ZNF385D: variants seen among roughly 807,000 people sequenced by gnomAD.
ZNF385D encodes zinc finger protein 385D, also known as zinc finger protein 659.
ZNF385D carries 15 observed loss-of-function variants against 35.8 expected under a neutral mutation model. That is an observed-to-expected ratio of 0.42 (90% CI 0.28 to 0.64). The LOEUF (loss-of-function observed/expected upper bound fraction) is 0.64, where lower values mean the gene tolerates loss of function less well. ZNF385D is among the 30% of genes least tolerant of loss of function. The probability of loss-of-function intolerance (pLI) is 0.23; values close to 1 mark genes in which losing one functional copy is unlikely to be tolerated. For synonymous variants in ZNF385D, 212 were observed against 186.8 expected (o/e 1.13, Z -1.10); for missense variants, 474 against 494.6 (o/e 0.96, Z 0.39).
intron 3 of ZNF385D, among the ~76,000 whole-genome samples, chr3:22,158,288 A>G (rs1047073263): frequency 3.9e-5 from 6 of 152,080 alleles, no homozygotes; most frequent in African/African-American, 1.2e-4. Flanking sequence ...ACCACCTTTA[A>G]GTCTACTTCA....
intron 3 of ZNF385D, among the ~76,000 whole-genome samples, chr3:22,012,777 C>T (rs148398384): frequency 1.3e-3 from 199 of 152,210 alleles, no homozygotes; most frequent in African/African-American, 4.6e-3. Flanking sequence ...CCATAAGCTG[C>T]TTAGCACATA....
In ZNF385D at chr3:22,310,829, T is replaced by C. The variant is rs569296176; in HGVS notation, c.106+61621A>G. Among the ~76,000 whole-genome samples, 13 of 152,006 alleles carry C rather than the reference T, an allele frequency of 8.6e-5. No individual in the cohort carries two copies. The East Asian group carries it at 2.3e-3, about 27-fold the overall frequency. ...ATTTTTCTATTAAAATATAATTTTA[T>C]CCACTCATTTTTAATTAACTTTTTT... On this transcript the variant is annotated intron_variant, in intron 2 of 5. Coordinates refer to the ZNF385D transcript ENST00000494108.
intron 1 of ZNF385D, among the ~76,000 whole-genome samples, chr3:21,718,141 G>T (rs753686841): frequency 5.1e-4 from 78 of 152,306 alleles, no homozygotes; most frequent in Non-Finnish European, 8.5e-4. Flanking sequence ...CTTGGCATAT[G>T]TCTCCCACAA....
At chr3:22,146,890 G>T (rs4858388) in intron 3 of ZNF385D, among the ~76,000 whole-genome samples, 98,174 of 151,974 alleles carry the variant, frequency 0.65, 32,615 homozygotes, top group African/African-American at 0.81. Context: ...AACATATTTG[G>T]GAAGTGTATT....
chr3:21,435,412 C>A (rs1385268096), intron 5 of ZNF385D, among the ~76,000 whole-genome samples: 1 of 151,964 alleles, frequency 6.6e-6, no homozygotes. Context: ...CACATGCCAC[C>A]ATGCCCAGCT....
Position 21,548,511 on chromosome 3 carries a change from A to T in ZNF385D, c.276+16063T>A, listed in dbSNP as rs2062457925. On this transcript the variant is annotated intron_variant, in intron 3 of 7. Coordinates refer to ENST00000281523, the MANE Select transcript of ZNF385D (RefSeq NM_024697.3). Reference sequence around the variant, plus strand: ...ATATTCTGTGCTTCCAGTTTTACCCATGCTTAATCCTCTTCTCAAACTCTT... The same window carrying T: ...ATATTCTGTGCTTCCAGTTTTACCCTTGCTTAATCCTCTTCTCAAACTCTT... Among the ~76,000 whole-genome samples the T allele has an allele frequency of 2.0e-5, 3 of 152,284 alleles. No homozygotes were observed. In the South Asian group the frequency reaches 6.2e-4, roughly 32 times the overall value.
chr3:22,073,899 T>C (rs1052850433), intron 3 of ZNF385D, among the ~76,000 whole-genome samples: 1 of 151,958 alleles, frequency 6.6e-6, no homozygotes, highest in East Asian at 1.9e-4. Context: ...CATTCATGAA[T>C]AGTTTCGCAT....
intron 1 of ZNF385D, among the ~76,000 whole-genome samples, chr3:21,670,648 G>C (rs112394370): frequency 0.13 from 112 of 864 alleles, 17 homozygotes; most frequent in Middle Eastern, 1. Flanking sequence ...AAATCCTAAG[G>C]CGCCCCCCCC....
intron 2 of ZNF385D, among the ~76,000 whole-genome samples, chr3:22,326,284 G>A (rs1559521399): frequency 6.6e-6 from 1 of 152,170 alleles, no homozygotes; most frequent in Non-Finnish European, 1.5e-5. Flanking sequence ...ATTTGGGGAA[G>A]ATTTGAATCT....
Position 21,761,830 on chromosome 3 carries a change from A to G in ZNF385D, c.326-96802T>C, listed in dbSNP as rs1372187560. On this transcript the variant is annotated intron_variant, in intron 3 of 5. Transcript: ENST00000494108. Reference sequence around the variant, plus strand: ...TTGTATCTCACTTAAATTTAAAGTCATAATGGCTTAAAATTATGATTTCAA... The same window carrying G: ...TTGTATCTCACTTAAATTTAAAGTCGTAATGGCTTAAAATTATGATTTCAA... 2.0e-5 allele frequency among the ~76,000 whole-genome samples: 3 copies of G among 149,236 alleles called. No individual in the cohort carries two copies. In the East Asian group the frequency reaches 5.9e-4, roughly 29 times the overall value.
At chr3:21,708,081 T>C (rs2067973129) in intron 1 of ZNF385D, among the ~76,000 whole-genome samples, 1 of 152,214 alleles carries the variant, frequency 6.6e-6, no homozygotes, top group Non-Finnish European at 1.5e-5. Context: ...GATATCTTCA[T>C]TTCCTTTTTG....
At chr3:21,781,561 T>C (rs1305516717) in intron 3 of ZNF385D, among the ~76,000 whole-genome samples, 1 of 152,084 alleles carries the variant, frequency 6.6e-6, no homozygotes, top group African/African-American at 2.4e-5. Flanking sequence ...TAATGGTTCC[T>C]TTGCCAGCTA....
chr3:22,154,819 T>G (rs546364377), intron 3 of ZNF385D, among the ~76,000 whole-genome samples: 102 of 152,292 alleles, frequency 6.7e-4, no homozygotes, highest in Non-Finnish European at 1.2e-3. Context: ...GTTTTAAATT[T>G]TAAAATCTTT....
chr3:22,084,706 C>T (rs1282834993), intron 3 of ZNF385D, among the ~76,000 whole-genome samples: 3 of 152,200 alleles, frequency 2.0e-5, no homozygotes, highest in South Asian at 2.1e-4. Context: ...CACTTGAACT[C>T]GGCTCTGCAC....
intron 2 of ZNF385D, among the ~76,000 whole-genome samples, chr3:21,598,862 G>C (rs1395774172): frequency 6.6e-6 from 1 of 152,134 alleles, no homozygotes; most frequent in African/African-American, 2.4e-5. Flanking sequence ...AATGATTCCA[G>C]AGAAGTTCAC....
chr3:22,220,727 A>G (rs1698202495), intron 2 of ZNF385D, among the ~76,000 whole-genome samples: 1 of 152,176 alleles, frequency 6.6e-6, no homozygotes, highest in Admixed American at 6.5e-5. Flanking sequence ...ATTCAATGTT[A>G]CATTCCTGAA....
At chr3:21,763,677 C>T (rs376171903) in intron 3 of ZNF385D, among the ~76,000 whole-genome samples, 1 of 152,206 alleles carries the variant, frequency 6.6e-6, no homozygotes, top group South Asian at 2.1e-4. Flanking sequence ...TAAATAAAAT[C>T]ATACTCTCTG....
In ZNF385D at chr3:22,273,920, A is replaced by G. The variant is rs1032460362; in HGVS notation, c.106+98530T>C. 2.0e-5 allele frequency among the ~76,000 whole-genome samples: 3 copies of G among 152,164 alleles called. No homozygotes were observed. In the East Asian group the frequency reaches 5.8e-4, roughly 30 times the overall value. ...ATGGTTTTCCATATGTTTTTCCTAC[A>G]AAAAGAAGGAGAGGTAGAGGAGAGA... is the stretch of plus-strand genomic sequence containing the variant. On this transcript the variant is annotated intron_variant, in intron 2 of 5. Coordinates refer to the ZNF385D transcript ENST00000494108.
chr3:21,661,304 A>C (rs1157615273), intron 2 of ZNF385D, among the ~76,000 whole-genome samples: 1 of 152,178 alleles, frequency 6.6e-6, no homozygotes, highest in Non-Finnish European at 1.5e-5. Flanking sequence ...TATGCTGTAC[A>C]TCTTTCTGTA....
Sources: allele counts gnomAD v4.1 joint callset (sites outside exome capture counted in the v4.1 genomes callset), GRCh38; gene constraint gnomAD v4.1.1; transcripts MANE v1.5; gene names NCBI Gene and HGNC (gene_info 2026-07-23, HGNC 2026-07-21).